CNTN3: variants seen among roughly 807,000 people sequenced by gnomAD.
The protein encoded by CNTN3 is contactin-3.
Under a neutral mutation model 119.1 loss-of-function variants are expected in CNTN3, and 60 were observed. The observed-to-expected ratio is 0.50, with a 90% CI of 0.41 to 0.62. The LOEUF is 0.62. Ranked by LOEUF, CNTN3 falls within the 20% of genes least tolerant of loss-of-function variation. The pLI, the probability that CNTN3 is intolerant of heterozygous loss-of-function variation, is 0.00. For missense variants in CNTN3, 1,101 were observed against 1,242.4 expected (o/e 0.89, Z 1.71); for synonymous variants, 450 against 438.7 (o/e 1.03, Z -0.32).
At chr3:74,485,433 CAAAG>C (rs1702835009) in intron 4 of CNTN3, among the ~76,000 whole-genome samples, 1 of 151,404 alleles carries the variant, frequency 6.6e-6, no homozygotes, top group African/African-American at 2.4e-5. Flanking sequence ...AAAGAGAAAA[CAAAG>C]GAAAGAACAA....
intron 5 of CNTN3, among the ~76,000 whole-genome samples, chr3:74,387,785 C>T (rs1368813644): frequency 6.6e-6 from 1 of 152,226 alleles, no homozygotes; most frequent in African/African-American, 2.4e-5. Flanking sequence ...ATTAAATGCT[C>T]ATCCCCATGC....
intron 4 of CNTN3, among the ~76,000 whole-genome samples, chr3:74,469,742 T>C (rs1702526508): frequency 6.6e-6 from 1 of 152,184 alleles, no homozygotes; most frequent in Non-Finnish European, 1.5e-5. Flanking sequence ...CCTCAAATAC[T>C]GCTGGTAGGA....
intron 1 of CNTN3, among the ~76,000 whole-genome samples, chr3:74,572,348 A>G (rs1036418034): frequency 6.6e-6 from 1 of 152,164 alleles, no homozygotes. Flanking sequence ...AGCCCATGAT[A>G]CTCCCTGCAG....
In CNTN3 at chr3:74,395,483, G is replaced by A. The variant is rs150763259; in HGVS notation, c.455-24084C>T. ...GGGTACCTATTTATAAAGAATTTAC[G>A]ATAGTGGCTAGTATTTAGTAAAGGT... On this transcript the variant is annotated intron_variant, in intron 5 of 22. Coordinates refer to ENST00000263665, the MANE Select transcript of CNTN3 (RefSeq NM_020872.3). 2.2e-3 allele frequency among the ~76,000 whole-genome samples: 333 copies of A among 152,202 alleles called. 1 individual carries two copies. Among genetic ancestry groups the A allele is most frequent in the Non-Finnish European group, 3.1e-3 (213 of 68,008 alleles).
intron 4 of CNTN3, among the ~76,000 whole-genome samples, chr3:74,460,515 G>C (rs1278377324): frequency 1.3e-5 from 2 of 151,644 alleles, no homozygotes; most frequent in Non-Finnish European, 2.9e-5. Flanking sequence ...TTGGTTAAGT[G>C]TATACCTATG....
chr3:74,306,545 A>G (rs1413291162), intron 13 of CNTN3, among the ~76,000 whole-genome samples: 1 of 152,138 alleles, frequency 6.6e-6, no homozygotes, highest in Non-Finnish European at 1.5e-5. Flanking sequence ...GCAAATTCAT[A>G]GCTTTATTTT....
At chr3:74,446,142 G>A (rs1461731501) in intron 4 of CNTN3, among the ~76,000 whole-genome samples, 1 of 152,080 alleles carries the variant, frequency 6.6e-6, no homozygotes, top group Admixed American at 6.6e-5. Flanking sequence ...TAATAGTTGT[G>A]TAACTCTGGA....
At chr3:74,483,892 C>A (rs1411776177) in intron 4 of CNTN3, among the ~76,000 whole-genome samples, 1 of 152,090 alleles carries the variant, frequency 6.6e-6, no homozygotes, top group East Asian at 1.9e-4. Context: ...GAACTAGGGG[C>A]AGACTGCAAG....
chr3:74,408,286 A>T (rs1332177127), intron 5 of CNTN3, among the ~76,000 whole-genome samples: 1 of 152,072 alleles, frequency 6.6e-6, no homozygotes, highest in East Asian at 1.9e-4. Flanking sequence ...ACTAATGTTT[A>T]AAAAAAAGGA....
intron 1 of CNTN3, among the ~76,000 whole-genome samples, chr3:74,523,113 A>T (rs1002983035): frequency 6.6e-6 from 1 of 151,454 alleles, no homozygotes; most frequent in Non-Finnish European, 1.5e-5. Context: ...CTTCTGCTCA[A>T]TCAATGACAT....
At chr3:74,374,901 C>G (rs764114076) in intron 5 of CNTN3, among the ~76,000 whole-genome samples, 1 of 152,154 alleles carries the variant, frequency 6.6e-6, no homozygotes, top group Non-Finnish European at 1.5e-5. Flanking sequence ...TTACACTGGA[C>G]TTACATTCTT....
chr3:74,346,900 C>A (rs950406997), intron 11 of CNTN3, among the ~76,000 whole-genome samples: 1 of 152,002 alleles, frequency 6.6e-6, no homozygotes, highest in African/African-American at 2.4e-5. Flanking sequence ...AAGTAGAAAT[C>A]TATACAAAAA....
intron 4 of CNTN3, among the ~76,000 whole-genome samples, chr3:74,482,177 A>T (rs977490422): frequency 2.1e-4 from 32 of 152,138 alleles, no homozygotes; most frequent in African/African-American, 7.7e-4. Context: ...AGTAAAGCCA[A>T]AAAAGGATAG....
At chr3:74,429,774 G>C (rs985658282) in intron 4 of CNTN3, among the ~76,000 whole-genome samples, 1 of 152,094 alleles carries the variant, frequency 6.6e-6, no homozygotes, top group Non-Finnish European at 1.5e-5. Flanking sequence ...AAGTAAGACT[G>C]CCCAAAATTC....
At chr3:74,407,761 T>C (rs537909982) in intron 5 of CNTN3, among the ~76,000 whole-genome samples, 1 of 152,192 alleles carries the variant, frequency 6.6e-6, no homozygotes, top group East Asian at 1.9e-4. Context: ...ATTGCACTTG[T>C]ACCCCACAAA....
chr3:74,361,261 T>C (rs1401462818), intron 11 of CNTN3, among the ~76,000 whole-genome samples: 1 of 152,156 alleles, frequency 6.6e-6, no homozygotes, highest in African/African-American at 2.4e-5. Flanking sequence ...ATTCTTGACA[T>C]TAGGTGTGAA....
chr3:74,579,041 G>A (rs1025036392), intron 1 of CNTN3, among the ~76,000 whole-genome samples: 1 of 151,678 alleles, frequency 6.6e-6, no homozygotes. Flanking sequence ...GGTGACAGAT[G>A]TCTTGAAAAA....
chr3:74,355,833 G>T (rs1049472219), intron 11 of CNTN3, among the ~76,000 whole-genome samples: 4 of 151,958 alleles, frequency 2.6e-5, no homozygotes, highest in Admixed American at 2.0e-4. Context: ...AGTGCTTGTG[G>T]AATAAAGCCC....
At chr3:74,336,797 T>TAA in intron 11 of CNTN3, 139 bp from the exon 12 acceptor site, 2 of 507,846 alleles carry the variant, frequency 3.9e-6, no homozygotes, top group East Asian at 3.6e-5. Context: ...TTTTTGGGAA[T>TAA]ACAAAAAAAA....
Sources: gnomAD v4.1 joint callset for allele counts (sites outside exome capture counted in the v4.1 genomes callset) on GRCh38, gnomAD v4.1.1 for gene constraint, MANE v1.5 for transcripts, NCBI Gene and HGNC (gene_info 2026-07-23, HGNC 2026-07-21) for gene names.